Variants in TRPC5 observed in about 807,000 individuals in gnomAD.
TRPC5 encodes the protein transient receptor potential cation channel subfamily C member 5.
A neutral mutation model predicts 56.5 loss-of-function variants in TRPC5; 9 were observed. The ratio of observed to expected loss-of-function variants is 0.16; its 90% CI spans 0.10 to 0.28. The LOEUF (loss-of-function observed/expected upper bound fraction) is 0.28. Ranked by LOEUF, TRPC5 falls within the 10% of genes least tolerant of loss-of-function variation. The pLI, the probability that TRPC5 is intolerant of heterozygous loss-of-function variation, is 1.00. For missense variants in TRPC5, 469 were observed against 748.9 expected (o/e 0.63, Z 4.36); for synonymous variants, 282 against 278.5 (o/e 1.01, Z -0.13).
At chrX:112,032,465 T>A (rs1372143717) in intron 1 of TRPC5, among the ~76,000 whole-genome samples, 1 of 112,326 alleles carries the variant, frequency 8.9e-6, no homozygotes, top group Admixed American at 9.4e-5. Flanking sequence ...ATTGAAGAAC[T>A]GTTCACAATA....
chrX:111,793,972 G>C (rs1025748336), intron 7 of TRPC5, among the ~76,000 whole-genome samples: 1 of 111,573 alleles, frequency 9.0e-6, no homozygotes, highest in African/African-American at 3.3e-5. Context: ...TGTATTCTAT[G>C]ATTCAATTTC....
At chrX:111,913,735 C>T (rs1925888205) in intron 2 of TRPC5, among the ~76,000 whole-genome samples, 3 of 111,019 alleles carry the variant, frequency 2.7e-5, no homozygotes, top group South Asian at 3.8e-4. Context: ...CCGAGGCGAG[C>T]GGATCATGAG....
intron 10 of TRPC5, among the ~76,000 whole-genome samples, chrX:111,778,595 T>G (rs1006228158): frequency 8.9e-6 from 1 of 112,097 alleles, no homozygotes; most frequent in African/African-American, 3.2e-5. Flanking sequence ...AGACCTTAGA[T>G]TTAATAACAG....
chrX:111,966,824 G>A (rs1415736984), intron 1 of TRPC5, among the ~76,000 whole-genome samples: 7 of 109,381 alleles, frequency 6.4e-5, no homozygotes, highest in South Asian at 7.7e-4. Flanking sequence ...TTGATGGGAC[G>A]TATCTCAAAA....
chrX:111,835,718 T>C (rs1922547713), intron 6 of TRPC5, among the ~76,000 whole-genome samples: 1 of 111,883 alleles, frequency 8.9e-6, no homozygotes, highest in South Asian at 3.7e-4. Context: ...TGGGTTAGAT[T>C]GCACTGGGTT....
chrX:111,946,583 G>A (rs149090663), intron 2 of TRPC5, among the ~76,000 whole-genome samples: 2 of 112,157 alleles, frequency 1.8e-5, no homozygotes, highest in African/African-American at 6.5e-5. Flanking sequence ...TCCCAAAACT[G>A]TAATGAAGCT....
chrX:112,007,810 A>G (rs1314996990), intron 1 of TRPC5, among the ~76,000 whole-genome samples: 1 of 111,633 alleles, frequency 9.0e-6, no homozygotes, highest in Admixed American at 9.6e-5. Flanking sequence ...GAAGAATAAG[A>G]GAGGTTTCAG....
chrX:112,079,760 T>C (rs1930918172), intron 1 of TRPC5, among the ~76,000 whole-genome samples: 1 of 111,830 alleles, frequency 8.9e-6, no homozygotes, highest in Non-Finnish European at 1.9e-5. Context: ...GGCAGATATC[T>C]GGTTCAGGTC....
intron 1 of TRPC5, among the ~76,000 whole-genome samples, chrX:111,960,586 T>C (rs972676697): frequency 5.4e-5 from 6 of 111,575 alleles, no homozygotes; most frequent in African/African-American, 2.0e-4. Context: ...AAACAGCAAA[T>C]AATAAGCAGC....
intron 1 of TRPC5, among the ~76,000 whole-genome samples, chrX:112,059,641 A>G (rs1441013493): frequency 8.9e-6 from 1 of 111,733 alleles, no homozygotes; most frequent in Non-Finnish European, 1.9e-5. Context: ...CCAAATCTCC[A>G]CATCTATCCC....
chrX:112,034,322 T>G (rs1001374314), intron 1 of TRPC5, among the ~76,000 whole-genome samples: 6 of 110,551 alleles, frequency 5.4e-5, no homozygotes, highest in East Asian at 2.8e-4. Flanking sequence ...TTTTGTTTTT[T>G]TTTTTTTTAG....
intron 1 of TRPC5, among the ~76,000 whole-genome samples, chrX:112,014,862 G>GA (rs1314231040): frequency 1.8e-5 from 2 of 111,051 alleles, no homozygotes; most frequent in Admixed American, 9.6e-5. Flanking sequence ...GGGTAGCTTT[G>GA]AAAAAATACT....
chrX:111,967,207 C>T (rs1305027166), intron 1 of TRPC5, among the ~76,000 whole-genome samples: 2 of 111,651 alleles, frequency 1.8e-5, no homozygotes, highest in Non-Finnish European at 3.8e-5. Flanking sequence ...AGAGCCAAAT[C>T]ATGAGTGAAC....
At chrX:111,984,667 GA>G (rs746990423) in intron 1 of TRPC5, among the ~76,000 whole-genome samples, 314 of 111,724 alleles carry the variant, frequency 2.8e-3, no homozygotes, top group African/African-American at 9.1e-3. Flanking sequence ...CCAAGCAGCA[GA>G]ATATCATCAA....
chrX:111,829,072 G>C (rs1922322943), intron 7 of TRPC5, among the ~76,000 whole-genome samples: 2 of 110,924 alleles, frequency 1.8e-5, no homozygotes, highest in Non-Finnish European at 3.8e-5. Flanking sequence ...GGGAGGCCAA[G>C]GTGGGTGGAT....
intron 1 of TRPC5, among the ~76,000 whole-genome samples, chrX:112,057,050 T>C (rs1930357455): frequency 8.9e-6 from 1 of 112,327 alleles, no homozygotes; most frequent in Non-Finnish European, 1.9e-5. Context: ...AACACTGGTT[T>C]TTGAATCTTT....
At chrX:111,832,750 C>G (rs1922448334) in intron 7 of TRPC5, among the ~76,000 whole-genome samples, 1 of 111,316 alleles carries the variant, frequency 9.0e-6, no homozygotes, top group Non-Finnish European at 1.9e-5. Flanking sequence ...GGCTCCCTCC[C>G]AAGCCAATGT....
chrX:111,945,099 C>T (rs1488916570), intron 2 of TRPC5, among the ~76,000 whole-genome samples: 1 of 110,317 alleles, frequency 9.1e-6, no homozygotes, highest in Non-Finnish European at 1.9e-5. Flanking sequence ...GCTCAGAAAT[C>T]TGCATTTTGA....
chrX:111,888,511 AAAAAAAAAAAAAAGAAAGAAAAG>A (rs1033605459), intron 3 of TRPC5, among the ~76,000 whole-genome samples: 1 of 78,381 alleles, frequency 1.3e-5, no homozygotes, highest in African/African-American at 8.9e-5. Context: ...CGTCTCTACC[AAAAAAAAAAAAAAGAAAGAAAAG>A]AAAAAAAAAA....
Sources: gnomAD v4.1 joint callset for allele counts (sites outside exome capture counted in the v4.1 genomes callset) on GRCh38, gnomAD v4.1.1 for gene constraint, MANE v1.5 for transcripts, NCBI Gene and HGNC (gene_info 2026-07-23, HGNC 2026-07-21) for gene names.